Variants in MYO15A observed in about 807,000 individuals in gnomAD.
MYO15A encodes unconventional myosin-XV.
Under a neutral mutation model 394.6 loss-of-function variants are expected in MYO15A, and 308 were observed. The ratio of observed to expected loss-of-function variants is 0.78; its 90% CI spans 0.71 to 0.86. The LOEUF is 0.86. Ranked by LOEUF, MYO15A falls within the 40% of genes least tolerant of loss-of-function variation. The pLI, the probability that MYO15A is intolerant of heterozygous loss-of-function variation, is 0.00. For missense variants in MYO15A, 4,606 were observed against 4,799.1 expected, an observed-to-expected ratio of 0.96 and a Z score of 1.19; for synonymous variants, 1,957 against 2,003.8, an observed-to-expected ratio of 0.98 and a Z score of 0.62.
intron 2 of MYO15A, chr17:18,122,870 GTTT>G (rs1046123663): frequency 1.8e-5 from 3 of 165,468 alleles, no homozygotes; most frequent in African/African-American, 7.2e-5. Flanking sequence ...AAAGCCTCCT[GTTT>G]CCTCAGGGTT....
In MYO15A at chr17:18,121,172, C is replaced by A; in HGVS notation, c.2372C>A (p.Pro791His). ...TCGCCGGGCCTCGGCTACTGCTCAC[C>A]CTTGGCGCCCCCGTCGCCTCAGCTG... Reference protein sequence around the residue: ...RSSPGLGYCSPLAPPSPQLSL... With the variant: ...RSSPGLGYCSHLAPPSPQLSL... Residue 791 changes from proline (P) to histidine (H), a missense_variant, in exon 2 of 66, where the codon CCC (proline) becomes CAC (histidine). By Grantham distance (77) the Pro-to-His change is moderately conservative. Around this residue, in one of 2 missense-constraint regions of MYO15A, gnomAD observed 1,830 missense variants for 1,689.7 expected, o/e 1.08. Coordinates refer to ENST00000647165, the MANE Select transcript of MYO15A (RefSeq NM_016239.4). The surrounding 1 kb of genome is among the most constrained non-coding windows in gnomAD (Gnocchi z 5.3). The A allele has an allele frequency of 2.6e-6, 4 of 1,515,976 alleles. No homozygotes were observed. The highest frequency in any genetic ancestry group is 3.5e-6 in the Non-Finnish European group (4 of 1,139,338). The allele number at this position is 1,515,976 out of a possible 1,614,324, so 93.9% of individuals were successfully genotyped here. A position where few individuals can be genotyped will look rare whatever the true frequency, so the allele number is the denominator to read the frequency against.
In MYO15A at chr17:18,120,816, C is replaced by T. The variant is rs2045907828; in HGVS notation, c.2016C>T (p.Ser672=). The T allele has an allele frequency of 4.9e-6, 6 of 1,218,466 alleles. No homozygotes were observed. The highest frequency in any genetic ancestry group is 5.1e-6 in the Non-Finnish European group (5 of 978,860). 75.5% of individuals were successfully genotyped at this position (1,218,466 alleles called of 1,614,324 possible). Residue 672 remains serine, a synonymous_variant, in exon 2 of 66, where the codon TCC becomes TCT. Transcript: ENST00000647165. ...SPPVPPRPPS[S]GPPPAPPLSP... ...CCGTGCCCCCGCGGCCCCCAAGCTC[C>T]GGGCCCCCGCCCGCGCCGCCGCTCT...
chr17:18,125,522 CT>C, intron 4 of MYO15A: 1 of 399,146 alleles, frequency 2.5e-6, no homozygotes, highest in South Asian at 2.5e-5. Flanking sequence ...GTGAAACCCC[CT>C]CTCTACTAAA....
chr17:18,127,372 T>C (rs1173166578), intron 7 of MYO15A, among the ~76,000 whole-genome samples: 1 of 152,182 alleles, frequency 6.6e-6, no homozygotes, highest in Non-Finnish European at 1.5e-5. Flanking sequence ...TCTGTGTTTC[T>C]GTGGCAGCTC....
Position 18,135,811 on chromosome 17 carries a change from C to T in MYO15A, c.4583C>T (p.Thr1528Ile). The change falls in exon 13 of 66, where the codon ACC becomes ATC. Residue 1528 changes from threonine (T) to isoleucine (I), a missense_variant. Coordinates refer to ENST00000647165, the MANE Select transcript of MYO15A (RefSeq NM_016239.4). ...ISPEGLQKAI[T>I]FKVTETMREK... ...CCTGAGGGCCTGCAGAAGGCCATCA[C>T]CTTCAAAGTGACCGTGAGTCTGTGG... 1 of 1,613,950 alleles carries T rather than the reference C, an allele frequency of 6.2e-7. No homozygotes were observed. The highest frequency in any genetic ancestry group is 8.5e-7 in the Non-Finnish European group (1 of 1,179,902).
intron 3 of MYO15A, 118 bp from the exon 4 acceptor site, chr17:18,125,050 C>A: frequency 2.0e-6 from 2 of 976,842 alleles, no homozygotes; most frequent in South Asian, 1.3e-5. Flanking sequence ...TGGTTGGTGT[C>A]AGAAACAGGA....
chr17:18,136,403 G>A lies in MYO15A; in HGVS notation c.4597-14G>A, dbSNP rs775883464. 1.9e-6 allele frequency: 3 copies of A among 1,613,550 alleles called. No individual in the cohort carries two copies. The highest frequency in any genetic ancestry group is 1.7e-6 in the Non-Finnish European group (2 of 1,180,020). ...GCCAGCCTGATGTCACTCAAGGGCT[G>A]TGCCCGTCCCTAGGAGACAATGCGA... On this transcript the variant is annotated splice_polypyrimidine_tract_variant and intron_variant, in intron 13 of 65. Transcript: ENST00000647165.
At position 18,138,200 on chromosome 17, in the gene MYO15A, C is replaced by T; in HGVS notation, c.4961C>T (p.Pro1654Leu). The T allele has an allele frequency of 6.2e-7, 1 of 1,613,742 alleles. No individual in the cohort carries two copies. Among genetic ancestry groups the T allele is most frequent in the Non-Finnish European group, 8.5e-7 (1 of 1,180,008 alleles). The change falls in exon 17 of 66, where the codon CCT becomes CTT. Residue 1654 changes from proline (P) to leucine (L), a missense_variant. Pro to Leu is a moderately conservative substitution (Grantham distance 98, BLOSUM62 -3). This residue lies in a region of MYO15A where 2,776 missense variants were observed against 3,109.3 expected (regional missense o/e 0.89). Coordinates refer to ENST00000647165, the MANE Select transcript of MYO15A (RefSeq NM_016239.4). ...QPCINLISLK[P>L]YGILRILDDQ... ...TGCATCAACCTCATCTCACTGAAGC[C>T]TTATGGCATCCTGCGGATCCTTGAC...
rs765213384 is a variant in MYO15A, at chr17:18,163,696, G to A, written c.9691-46G>A. 2.6e-6 allele frequency: 4 copies of A among 1,560,074 alleles called. No homozygotes were observed. In the African/African-American group the frequency reaches 5.4e-5, roughly 21 times the overall value. ...CCTGAGTGGGGCCAGAAGGACAGAG[G>A]TCAAGCCCAACTGGCATGGCCTCAT... is the stretch of plus-strand genomic sequence containing the variant. On this transcript the variant is annotated intron_variant, in intron 59 of 65. Coordinates refer to ENST00000647165, the MANE Select transcript of MYO15A (RefSeq NM_016239.4).
Position 18,148,582 on chromosome 17 carries a change from A to T in MYO15A, c.6764+14A>T. On this transcript the variant is annotated intron_variant, in intron 32 of 65. Transcript: ENST00000647165. The surrounding 1 kb of genome is among the most constrained non-coding windows in gnomAD (Gnocchi z 4.8). ...TCTGAGGCACAGGTTGGCTCCTAGG[A>T]TGCCCTCCCAGCACACTCTTATGTA... 1.3e-6 allele frequency: 2 copies of T among 1,551,232 alleles called. No individual in the cohort carries two copies. The highest frequency in any genetic ancestry group is 1.7e-6 in the Non-Finnish European group (2 of 1,146,922).
Position 18,118,670 on chromosome 17 carries a change from A to G in MYO15A, c.-131A>G. On this transcript the variant is annotated 5_prime_UTR_variant, in exon 2 of 66. Coordinates refer to ENST00000647165, the MANE Select transcript of MYO15A (RefSeq NM_016239.4). ...GGCCCTCCCCACGCCACCCAGGGCC[A>G]GTCGGGTCTGCTCACAGCCCGAGGA... 7.0e-7 allele frequency: 1 copy of G among 1,426,344 alleles called. No homozygotes were observed. The highest frequency in any genetic ancestry group is 2.4e-5 in the East Asian group (1 of 41,150). 88.4% of individuals were successfully genotyped at this position (1,426,344 alleles called of 1,614,324 possible). A position where few individuals can be genotyped will look rare whatever the true frequency, so the allele number is the denominator to read the frequency against.
chr17:18,171,615 T>C (rs1337792846), intron 62 of MYO15A, 23 bp from the exon 63 acceptor site: 15 of 1,613,592 alleles, frequency 9.3e-6, no homozygotes, highest in Non-Finnish European at 1.2e-5. Context: ...CTCAGGACCT[T>C]TTTCCCCTTC....
chr17:18,137,780 C>T, intron 16 of MYO15A, 101 bp downstream of exon 16: 1 of 1,280,888 alleles, frequency 7.8e-7, no homozygotes. Flanking sequence ...GCAATTCTGA[C>T]ATCAGTAGAC....
At position 18,114,241 on chromosome 17, in the gene MYO15A, CTTTTTTTTTTT is replaced by C. The variant is rs10583154; in HGVS notation, c.-219-4325_-219-4315del. On this transcript the variant is annotated intron_variant, in intron 1 of 65. Coordinates refer to ENST00000647165, the MANE Select transcript of MYO15A (RefSeq NM_016239.4). The stretch of plus-strand genomic sequence containing the variant: ...CACCTTGTGACCACCACAGTCCTGT[CTTTTTTTTTTT>C]TTTTTTTTTTTTTTTGAGACGGAGT... 1.1e-4 allele frequency among the ~76,000 whole-genome samples: 6 copies of C among 55,600 alleles called. 1 individual carries two copies. In the Middle Eastern group the frequency reaches 0.071, roughly 662 times the overall value. 36.5% of individuals were successfully genotyped at this position (55,600 alleles called of 152,430 possible).
intron 12 of MYO15A, among the ~76,000 whole-genome samples, chr17:18,135,224 G>A (rs2046241864): frequency 6.6e-6 from 1 of 152,112 alleles, no homozygotes; most frequent in East Asian, 1.9e-4. Context: ...AGGCTGGAGT[G>A]TAATGGTGCG....
intron 64 of MYO15A, 58 bp downstream of exon 64, chr17:18,172,348 CCCTCCAAGAG>C: frequency 3.1e-6 from 5 of 1,613,284 alleles, no homozygotes; most frequent in Non-Finnish European, 3.4e-6. Flanking sequence ...GTCCCCAACC[CCCTCCAAGAG>C]GCCAAGACCT....
At chr17:18,140,960 A>G (rs2046367865) in intron 21 of MYO15A, 59 bp from the exon 22 acceptor site, 1 of 1,612,982 alleles carries the variant, frequency 6.2e-7, no homozygotes, top group East Asian at 2.2e-5. Flanking sequence ...TCACCATGAT[A>G]ATGCCTTTTG....
intron 62 of MYO15A, among the ~76,000 whole-genome samples, chr17:18,170,662 C>T (rs559645718): frequency 6.6e-6 from 1 of 152,164 alleles, no homozygotes; most frequent in Non-Finnish European, 1.5e-5. Context: ...CTAGCCACCG[C>T]GCCTTGCCTA....
chr17:18,153,797 G>A lies in MYO15A; in HGVS notation c.7989G>A (p.Glu2663=). 6.2e-7 allele frequency: 1 copy of A among 1,613,672 alleles called. No individual in the cohort carries two copies. Among genetic ancestry groups the A allele is most frequent in the Non-Finnish European group, 8.5e-7 (1 of 1,179,994 alleles). ...CAGCTCTGCCCTCGCGATCGCTGGA[G>A]CCCCCTGAGGAACTCACGCAGACGC... is the stretch of plus-strand genomic sequence containing the variant. ...PTSALPSRSL[E]PPEELTQTRL... is the part of the protein sequence containing the mutation. The change falls in exon 43 of 66, where the codon GAG becomes GAA. Residue 2663 remains glutamate, a synonymous_variant. Transcript: ENST00000647165. The surrounding 1 kb of genome is among the most constrained non-coding windows in gnomAD (Gnocchi z 4.1).
Sources: gnomAD v4.1 joint callset for allele counts (sites outside exome capture counted in the v4.1 genomes callset) on GRCh38, gnomAD v4.1.1 for gene constraint, gnomAD v4.1.1 regional missense constraint, Gnocchi (gnomAD v3.1) non-coding constraint, MANE v1.5 for transcripts, NCBI Gene and HGNC (gene_info 2026-07-23, HGNC 2026-07-21) for gene names.